Variants in ADGRL3 observed in about 807,000 individuals in gnomAD.
ADGRL3 encodes the protein adhesion G protein-coupled receptor L3.
A neutral mutation model predicts 153.5 loss-of-function variants in ADGRL3; 62 were observed. The ratio of observed to expected loss-of-function variants is 0.40; its 90% CI spans 0.33 to 0.50. The LOEUF (loss-of-function observed/expected upper bound fraction) is 0.50. ADGRL3 is among the 20% of genes least tolerant of loss of function. The pLI, the probability that ADGRL3 is intolerant of heterozygous loss-of-function variation, is 0.47. For synonymous variants in ADGRL3, 710 were observed against 672.5 expected (o/e 1.06, Z -0.86); for missense variants, 1,641 against 1,859.4 (o/e 0.88, Z 2.16).
At chr4:61,487,978 C>T (rs565011009) in intron 2 of ADGRL3, among the ~76,000 whole-genome samples, 63 of 152,070 alleles carry the variant, frequency 4.1e-4, no homozygotes, top group African/African-American at 1.5e-3. Flanking sequence ...CAAATATTAT[C>T]AAAGCCTATT....
chr4:61,472,232 G>C (rs1166627071), intron 2 of ADGRL3, among the ~76,000 whole-genome samples: 4 of 152,112 alleles, frequency 2.6e-5, no homozygotes, highest in Non-Finnish European at 5.9e-5. Flanking sequence ...CCTGGGACGA[G>C]ATGTTATTTT....
intron 5 of ADGRL3, among the ~76,000 whole-genome samples, chr4:61,619,640 C>G (rs1488568886): frequency 6.6e-6 from 1 of 151,790 alleles, no homozygotes; most frequent in Non-Finnish European, 1.5e-5. Flanking sequence ...TCAGTTTTTC[C>G]CTGGTGTTCG....
chr4:62,014,576 A>G (rs2099202623), intron 21 of ADGRL3, among the ~76,000 whole-genome samples: 1 of 152,200 alleles, frequency 6.6e-6, no homozygotes, highest in Non-Finnish European at 1.5e-5. Context: ...AATCCCACTC[A>G]TTAGCAATAG....
intron 2 of ADGRL3, among the ~76,000 whole-genome samples, chr4:61,457,656 T>C (rs555522462): frequency 6.6e-6 from 1 of 152,062 alleles, no homozygotes; most frequent in Non-Finnish European, 1.5e-5. Flanking sequence ...TATATTATTC[T>C]ACAATGAGAC....
intron 4 of ADGRL3, among the ~76,000 whole-genome samples, chr4:61,583,014 TC>T (rs2098932285): frequency 6.6e-6 from 1 of 152,102 alleles, no homozygotes; most frequent in Non-Finnish European, 1.5e-5. Flanking sequence ...TTTGCAGATA[TC>T]CTGACACCTT....
chr4:61,231,867 G>A (rs867253707), intron 1 of ADGRL3, among the ~76,000 whole-genome samples: 1 of 151,990 alleles, frequency 6.6e-6, no homozygotes. Flanking sequence ...TGGGAGGAGT[G>A]TATTTCAGCA....
At chr4:61,744,101 C>T (rs112502659) in intron 8 of ADGRL3, among the ~76,000 whole-genome samples, 13,317 of 152,142 alleles carry the variant, frequency 0.088, 1,247 homozygotes, top group African/African-American at 0.24. Flanking sequence ...CATGGAGTCT[C>T]GCTGATTGCT....
intron 5 of ADGRL3, among the ~76,000 whole-genome samples, chr4:61,622,512 G>A (rs2092584609): frequency 6.6e-6 from 1 of 151,758 alleles, no homozygotes; most frequent in Non-Finnish European, 1.5e-5. Context: ...ACATGAGATG[G>A]AATAATAATA....
intron 1 of ADGRL3, among the ~76,000 whole-genome samples, chr4:61,294,779 T>C (rs924191225): frequency 1.3e-5 from 2 of 152,096 alleles, no homozygotes; most frequent in Non-Finnish European, 2.9e-5. Context: ...CTTACTTTAC[T>C]GTGGAACTGT....
chr4:61,404,738 A>G (rs1040611133), intron 2 of ADGRL3, among the ~76,000 whole-genome samples: 1 of 152,070 alleles, frequency 6.6e-6, no homozygotes, highest in Non-Finnish European at 1.5e-5. Context: ...TGCTTTGCAA[A>G]AAGTGTCTGT....
At chr4:61,506,409 G>T (rs1469320329) in intron 3 of ADGRL3, among the ~76,000 whole-genome samples, 1 of 151,994 alleles carries the variant, frequency 6.6e-6, no homozygotes, top group African/African-American at 2.4e-5. Flanking sequence ...TTAATCCCCA[G>T]TGTGACAGTT....
chr4:61,465,776 T>TATATATATATATATATATA (rs1172445777), intron 2 of ADGRL3, among the ~76,000 whole-genome samples: 1 of 145,894 alleles, frequency 6.9e-6, no homozygotes, highest in African/African-American at 2.5e-5. Flanking sequence ...TATATATATA[T>TATATATATATATATATATA]ATCTTATATG....
chr4:61,226,033 A>G (rs1004079667), intron 1 of ADGRL3, among the ~76,000 whole-genome samples: 1 of 151,986 alleles, frequency 6.6e-6, no homozygotes, highest in South Asian at 2.1e-4. Context: ...CCACTCCCAA[A>G]TCTTTGTCTC....
At chr4:61,958,701 C>T (rs1167236839) in intron 17 of ADGRL3, among the ~76,000 whole-genome samples, 3 of 152,054 alleles carry the variant, frequency 2.0e-5, no homozygotes, top group Non-Finnish European at 4.4e-5. Context: ...ATCACAAGAA[C>T]AGCATGGGGG....
In ADGRL3 at chr4:62,037,863, A is replaced by C. The variant is rs1437682801; in HGVS notation, c.3717+7A>C. The C allele has an allele frequency of 1.9e-6, 3 of 1,613,496 alleles. No individual in the cohort carries two copies. Among genetic ancestry groups the C allele is most frequent in the Non-Finnish European group, 2.5e-6 (3 of 1,179,694 alleles). ...CTACTCCACAGGCTCACAGGTAAACAATATTTGTTCACTGAAATGAAGTAA... is the reference window on the plus strand; with the variant it reads ...CTACTCCACAGGCTCACAGGTAAACCATATTTGTTCACTGAAATGAAGTAA... On this transcript the variant is annotated splice_region_variant and intron_variant, in intron 24 of 26. Transcript: ENST00000683033.
chr4:61,909,799 G>GTGTGTC, intron 12 of ADGRL3, 54 bp downstream of exon 12: 1 of 1,260,408 alleles, frequency 7.9e-7, no homozygotes, highest in Non-Finnish European at 1.1e-6. Context: ...GTGTGTGTGT[G>GTGTGTC]TGTCTTTAAA....
intron 1 of ADGRL3, among the ~76,000 whole-genome samples, chr4:61,376,300 C>T (rs1162591317): frequency 6.8e-6 from 1 of 146,602 alleles, no homozygotes; most frequent in Non-Finnish European, 1.5e-5. Context: ...AGTTGGAAAC[C>T]ATGATTAGTA....
intron 1 of ADGRL3, among the ~76,000 whole-genome samples, chr4:61,301,892 GA>G (rs966953286): frequency 2.6e-5 from 4 of 151,896 alleles, no homozygotes; most frequent in African/African-American, 4.8e-5. Flanking sequence ...AGCTTAAAAA[GA>G]AAAAAATAAT....
At chr4:61,494,610 G>A (rs966696106) in intron 2 of ADGRL3, among the ~76,000 whole-genome samples, 2 of 152,136 alleles carry the variant, frequency 1.3e-5, no homozygotes, top group African/African-American at 4.8e-5. Flanking sequence ...TCAGAGTTGG[G>A]TAAGAGAAAA....
Sources: gnomAD v4.1 joint callset for allele counts (sites outside exome capture counted in the v4.1 genomes callset) on GRCh38, gnomAD v4.1.1 for gene constraint, MANE v1.5 for transcripts, NCBI Gene and HGNC (gene_info 2026-07-23, HGNC 2026-07-21) for gene names.